Variants in FAM204A observed in about 807,000 individuals in gnomAD.
FAM204A encodes the protein family with sequence similarity 204 member A, also known as protein FAM204A.
FAM204A carries 16 observed loss-of-function variants against 35.4 expected under a neutral mutation model. That is an observed-to-expected ratio of 0.45 (90% CI 0.31 to 0.69). The LOEUF is 0.69. Among genes scored for constraint, FAM204A ranks in the 30% least tolerant of loss-of-function variants. The pLI is 0.07. For missense variants in FAM204A, 240 were observed against 265.7 expected (o/e 0.90, Z 0.67); for synonymous variants, 76 against 86.9 (o/e 0.88, Z 0.70).
At chr10:118,319,404 CTT>C (rs1846078473) in intron 7 of FAM204A, among the ~76,000 whole-genome samples, 1 of 152,024 alleles carries the variant, frequency 6.6e-6, no homozygotes, top group Middle Eastern at 3.4e-3. Context: ...ACATTATTAA[CTT>C]TACCTGTATT....
intron 2 of FAM204A, among the ~76,000 whole-genome samples, chr10:118,338,396 T>C (rs894529665): frequency 6.6e-6 from 1 of 152,238 alleles, no homozygotes; most frequent in Admixed American, 6.5e-5. Flanking sequence ...TAAGTTCCAG[T>C]ATGACTTGGC....
chr10:118,332,636 A>G (rs1170743099), intron 6 of FAM204A, among the ~76,000 whole-genome samples: 1 of 152,162 alleles, frequency 6.6e-6, no homozygotes, highest in Non-Finnish European at 1.5e-5. Context: ...TCTGTTTGGA[A>G]AAAGCACTCT....
intron 6 of FAM204A, among the ~76,000 whole-genome samples, chr10:118,334,692 T>C (rs958338810): frequency 4.6e-5 from 7 of 152,218 alleles, no homozygotes; most frequent in Admixed American, 2.0e-4. Context: ...TGTAATCATA[T>C]AGTGGGCTAC....
At chr10:118,333,419 C>T (rs918603185) in intron 6 of FAM204A, among the ~76,000 whole-genome samples, 2 of 152,172 alleles carry the variant, frequency 1.3e-5, no homozygotes, top group African/African-American at 4.8e-5. Flanking sequence ...GCTGGACTTA[C>T]ATTTATTTAG....
At chr10:118,318,837 C>CAAAA (rs1846069019) in intron 7 of FAM204A, among the ~76,000 whole-genome samples, 1 of 151,668 alleles carries the variant, frequency 6.6e-6, no homozygotes, top group Admixed American at 6.6e-5. Flanking sequence ...TTGAGAACAT[C>CAAAA]TCTAGTTCAA....
In FAM204A at chr10:118,313,823, AT is replaced by A. The variant is rs556765216; in HGVS notation, c.544-2511del. On this transcript the variant is annotated intron_variant, in intron 7 of 8. Coordinates refer to ENST00000369183, the MANE Select transcript of FAM204A (RefSeq NM_022063.3). ...GTAACATTAACAATGTGAGAAAATT[AT>A]TTTTTAAAACTGTTGTCAATTAAGA... Among the ~76,000 whole-genome samples, 41 of 152,284 alleles carry A rather than the reference AT, an allele frequency of 2.7e-4. No individual in the cohort carries two copies. The Middle Eastern group carries it at 0.01, about 38-fold the overall frequency.
chr10:118,310,026 A>C lies in FAM204A; in HGVS notation c.*831T>G, dbSNP rs997097095. 3.3e-5 allele frequency: 5 copies of C among 152,198 alleles called. No homozygotes were observed. Among genetic ancestry groups the C allele is most frequent in the African/African-American group, 1.2e-4 (5 of 41,434 alleles). The allele number at this position is 152,198 out of a possible 1,614,324, so 9.4% of individuals were successfully genotyped here. On this transcript the variant is annotated 3_prime_UTR_variant, in exon 9 of 9. Transcript: ENST00000369183. ...AATATCAAGTCTGCCTCCAATTAAA[A>C]AAAAACAGTAACTACTTTTATAACA... is the stretch of plus-strand genomic sequence containing the variant.
intron 8 of FAM204A, 36 bp downstream of exon 8, chr10:118,311,171 A>G (rs1298033501): frequency 1.3e-6 from 2 of 1,546,420 alleles, no homozygotes. Context: ...CTATGAAGTC[A>G]GGAGATTTAC....
At chr10:118,314,148 A>G (rs1161675687) in intron 7 of FAM204A, among the ~76,000 whole-genome samples, 1 of 152,254 alleles carries the variant, frequency 6.6e-6, no homozygotes, top group Non-Finnish European at 1.5e-5. Context: ...AGCCATTCAC[A>G]TGAGAGGGCT....
Position 118,339,972 on chromosome 10 carries a change from G to A in FAM204A, c.-9+1755C>T, listed in dbSNP as rs1470954120. Among the ~76,000 whole-genome samples the A allele has an allele frequency of 2.6e-5, 4 of 152,096 alleles. No individual in the cohort carries two copies. In the East Asian group the frequency reaches 5.8e-4, roughly 22 times the overall value. ...CCATCGTTATTATTTAGCATACTTG[G>A]TCAGATAACAATGAATCAAAAACAG... is the stretch of plus-strand genomic sequence containing the variant. On this transcript the variant is annotated intron_variant, in intron 2 of 8. Coordinates refer to ENST00000369183, the MANE Select transcript of FAM204A (RefSeq NM_022063.3).
chr10:118,337,132 G>T, intron 2 of FAM204A: 1 of 473,706 alleles, frequency 2.1e-6, no homozygotes, highest in Non-Finnish European at 2.8e-6. Flanking sequence ...TAGCTATACA[G>T]TCCATTAGTA....
intron 7 of FAM204A, among the ~76,000 whole-genome samples, chr10:118,318,634 G>A (rs1420452489): frequency 1.3e-5 from 2 of 151,930 alleles, no homozygotes; most frequent in African/African-American, 2.4e-5. Flanking sequence ...TGAGCAAACC[G>A]TTTTACCTCA....
rs143996455 is a variant in FAM204A at position 118,335,141 on chromosome 10, C to T, written c.426G>A (p.Pro142=). 1,894 of 1,613,028 alleles carry T rather than the reference C, an allele frequency of 1.2e-3. 2 individuals carry two copies. Among genetic ancestry groups the T allele is most frequent in the Admixed American group, 1.9e-3 (113 of 59,860 alleles). ...QYFGVNDRFD[P]PVKRKKVEKS... is the part of the protein sequence containing the mutation. Reference sequence around the variant, plus strand: ...TCTCAACTTTTTTCCTTTTAACAGGCGGGTCAAATCTATCATTGACTCCAA... The same window carrying T: ...TCTCAACTTTTTTCCTTTTAACAGGTGGGTCAAATCTATCATTGACTCCAA... The change falls in exon 6 of 9, where the codon CCG becomes CCA. Residue 142 remains proline (P), a synonymous_variant. Coordinates refer to ENST00000369183, the MANE Select transcript of FAM204A (RefSeq NM_022063.3).
At position 118,303,418 on chromosome 10, in the gene FAM204A, G is replaced by A. The variant is rs1267212462; in HGVS notation, c.*7439C>T. On this transcript the variant is annotated 3_prime_UTR_variant, in exon 9 of 9. Coordinates refer to ENST00000369183, the MANE Select transcript of FAM204A (RefSeq NM_022063.3). ...ATTTATTAAATAGTTTAACTGGAAG[G>A]ACCAGGTATGTATCCTCCACCCCTT... The A allele has an allele frequency of 6.6e-6, 1 of 152,188 alleles. No individual in the cohort carries two copies. Among genetic ancestry groups the A allele is most frequent in the East Asian group, 1.9e-4 (1 of 5,192 alleles). 9.4% of individuals were successfully genotyped at this position (152,188 alleles called of 1,614,324 possible).
rs908595912 is a variant in FAM204A at position 118,301,150 on chromosome 10, T to C, written c.*9707A>G. 2.0e-5 allele frequency: 3 copies of C among 152,248 alleles called. No homozygotes were observed. The highest frequency in any genetic ancestry group is 2.0e-4 in the Admixed American group (3 of 15,286). 9.4% of individuals were successfully genotyped at this position (152,248 alleles called of 1,614,324 possible). On this transcript the variant is annotated 3_prime_UTR_variant, in exon 9 of 9. Transcript: ENST00000369183. ...GCTCAACTGGGAACTCTTTGAAGGC[T>C]AGGGCCATCAATTACATTTTTGTTT...
rs1846382580 is a variant in FAM204A, at chr10:118,336,188, CATATCTATGGGAATTCCAGA to C, written c.208_227del (p.Ser70ValfsTer3). ...CATTTCAGAGAAAACCTACATTCCA[CATATCTATGGGAATTCCAGA>C]AGGACACTCTTCATAGGCATTTACA... On this transcript the variant is annotated frameshift_variant, in exon 3 of 9. Coordinates refer to ENST00000369183, the MANE Select transcript of FAM204A (RefSeq NM_022063.3). LOFTEE classifies it high-confidence loss of function. 2 of 1,613,148 alleles carry C rather than the reference CATATCTATGGGAATTCCAGA, an allele frequency of 1.2e-6. No homozygotes were observed. Among genetic ancestry groups the C allele is most frequent in the Non-Finnish European group, 8.5e-7 (1 of 1,179,492 alleles).
chr10:118,300,856 C>A lies in FAM204A; in HGVS notation c.*10001G>T, dbSNP rs1212281183. ...TCTGCTTGTATCCTAAGCACAAATGCAATACAGCAACATCAGTAATGGTAA... is the reference window on the plus strand; with the variant it reads ...TCTGCTTGTATCCTAAGCACAAATGAAATACAGCAACATCAGTAATGGTAA... On this transcript the variant is annotated 3_prime_UTR_variant, in exon 9 of 9. Transcript: ENST00000369183. The A allele has an allele frequency of 6.6e-6, 1 of 152,234 alleles. No individual in the cohort carries two copies. The highest frequency in any genetic ancestry group is 1.5e-5 in the Non-Finnish European group (1 of 68,062). The allele number at this position is 152,234 out of a possible 1,614,324, so 9.4% of individuals were successfully genotyped here.
rs554282553 is a variant in FAM204A at position 118,304,958 on chromosome 10, T to G, written c.*5899A>C. 6.6e-5 allele frequency: 10 copies of G among 152,362 alleles called. No homozygotes were observed. The East Asian group carries it at 1.9e-3, about 29-fold the overall frequency. The allele number at this position is 152,362 out of a possible 1,614,324, so 9.4% of individuals were successfully genotyped here. A position where few individuals can be genotyped will look rare whatever the true frequency, so the allele number is the denominator to read the frequency against. On this transcript the variant is annotated 3_prime_UTR_variant, in exon 9 of 9. Transcript: ENST00000369183. Reference sequence around the variant, plus strand: ...CCCAGTCTATATTTTCCAGCTTCCCTTGTGGTTAGTGTGATGAAGTAAGGA... The same window carrying G: ...CCCAGTCTATATTTTCCAGCTTCCCGTGTGGTTAGTGTGATGAAGTAAGGA...
At chr10:118,331,278 C>T (rs2133286739) in intron 6 of FAM204A, among the ~76,000 whole-genome samples, 1 of 152,164 alleles carries the variant, frequency 6.6e-6, no homozygotes, top group African/African-American at 2.4e-5. Flanking sequence ...ATAGGAGTGG[C>T]AGGAGGCACA....
Sources: allele counts gnomAD v4.1 joint callset (sites outside exome capture counted in the v4.1 genomes callset), GRCh38; gene constraint gnomAD v4.1.1; transcripts MANE v1.5; gene names NCBI Gene and HGNC (gene_info 2026-07-23, HGNC 2026-07-21).